ANKS1B: variants seen among roughly 807,000 people sequenced by gnomAD.
ANKS1B encodes ankyrin repeat and sterile alpha motif domain containing 1B.
A neutral mutation model predicts 148.3 loss-of-function variants in ANKS1B; 36 were observed. The observed-to-expected ratio is 0.24, with a 90% confidence interval of 0.19 to 0.32. ANKS1B has a LOEUF of 0.32. Ranked by LOEUF, ANKS1B falls within the 10% of genes least tolerant of loss-of-function variation. The pLI, the probability that ANKS1B is intolerant of heterozygous loss-of-function variation, is 1.00. For missense variants in ANKS1B, 1,157 were observed against 1,542.6 expected, an observed-to-expected ratio of 0.75 and a Z score of 4.19; for synonymous variants, 542 against 560.8, an observed-to-expected ratio of 0.97 and a Z score of 0.47.
At chr12:99,111,941 C>T (rs1029026353) in intron 15 of ANKS1B, among the ~76,000 whole-genome samples, 1 of 152,026 alleles carries the variant, frequency 6.6e-6, no homozygotes, top group Non-Finnish European at 1.5e-5. Flanking sequence ...ATTGATTTAC[C>T]AGAAATACTG....
At chr12:99,484,161 G>C (rs556760685) in intron 10 of ANKS1B, among the ~76,000 whole-genome samples, 1 of 151,506 alleles carries the variant, frequency 6.6e-6, no homozygotes, top group East Asian at 1.9e-4. Flanking sequence ...TAGCACTGCT[G>C]TTGCTGTATC....
chr12:99,407,796 A>T (rs1346218371), intron 11 of ANKS1B, among the ~76,000 whole-genome samples: 2 of 145,938 alleles, frequency 1.4e-5, no homozygotes, highest in Admixed American at 1.4e-4. Flanking sequence ...TTAACCAAAG[A>T]AGTAAAAGAG....
chr12:99,335,048 T>G (rs2088493838), intron 12 of ANKS1B, among the ~76,000 whole-genome samples: 1 of 152,104 alleles, frequency 6.6e-6, no homozygotes, highest in Admixed American at 6.6e-5. Flanking sequence ...CGCGATGGTC[T>G]TGCAATTTTG....
At chr12:99,961,616 GA>G (rs1300549133) in intron 1 of ANKS1B, among the ~76,000 whole-genome samples, 1 of 152,078 alleles carries the variant, frequency 6.6e-6, no homozygotes, top group South Asian at 2.1e-4. Flanking sequence ...CCCCTTTAAA[GA>G]AAAAGCAAGC....
intron 9 of ANKS1B, among the ~76,000 whole-genome samples, chr12:99,615,365 A>G (rs2097946621): frequency 6.6e-6 from 1 of 152,188 alleles, no homozygotes; most frequent in Non-Finnish European, 1.5e-5. Context: ...AAAAAAATGA[A>G]CATTTACTTT....
intron 17 of ANKS1B, among the ~76,000 whole-genome samples, chr12:98,868,650 G>A (rs962912884): frequency 7.2e-5 from 11 of 152,194 alleles, no homozygotes; most frequent in Non-Finnish European, 1.6e-4. Flanking sequence ...GAGAAAATCT[G>A]GGTCGAGTTG....
intron 2 of ANKS1B, among the ~76,000 whole-genome samples, chr12:99,817,832 T>G (rs1359840795): frequency 6.6e-6 from 1 of 151,804 alleles, no homozygotes; most frequent in East Asian, 1.9e-4. Flanking sequence ...CTATAATCGT[T>G]TGCCCATTTT....
At chr12:98,791,742 A>AAT (rs2098863158) in intron 22 of ANKS1B, among the ~76,000 whole-genome samples, 1 of 152,212 alleles carries the variant, frequency 6.6e-6, no homozygotes, top group Non-Finnish European at 1.5e-5. Context: ...CTTTTAAAAA[A>AAT]ATAGTTGTTT....
At chr12:99,575,925 G>C (rs1325100184) in intron 9 of ANKS1B, among the ~76,000 whole-genome samples, 1 of 151,942 alleles carries the variant, frequency 6.6e-6, no homozygotes, top group Non-Finnish European at 1.5e-5. Context: ...ATGCAAACAG[G>C]CTAAATGCCC....
chr12:99,302,099 A>G (rs1472885266), intron 12 of ANKS1B, among the ~76,000 whole-genome samples: 2 of 152,178 alleles, frequency 1.3e-5, no homozygotes, highest in Non-Finnish European at 2.9e-5. Flanking sequence ...AGAGGGTCAC[A>G]AAGTGTTCAC....
intron 1 of ANKS1B, among the ~76,000 whole-genome samples, chr12:99,850,647 C>A (rs746057240): frequency 1.3e-5 from 2 of 151,746 alleles, no homozygotes; most frequent in Non-Finnish European, 2.9e-5. Flanking sequence ...GCAGAAATAC[C>A]CCAATTATGT....
At chr12:98,759,857 G>T (rs1206297759) in intron 25 of ANKS1B, among the ~76,000 whole-genome samples, 2 of 152,148 alleles carry the variant, frequency 1.3e-5, no homozygotes, top group African/African-American at 4.8e-5. Flanking sequence ...GTGCACATCT[G>T]TAATCCCAGC....
At chr12:98,888,428 A>G (rs2099745104) in intron 17 of ANKS1B, among the ~76,000 whole-genome samples, 1 of 152,146 alleles carries the variant, frequency 6.6e-6, no homozygotes, top group Non-Finnish European at 1.5e-5. Context: ...TAGCCCTGGT[A>G]TTACCCAGTC....
At chr12:99,620,935 A>G (rs2098040088) in intron 9 of ANKS1B, among the ~76,000 whole-genome samples, 1 of 152,126 alleles carries the variant, frequency 6.6e-6, no homozygotes, top group Non-Finnish European at 1.5e-5. Context: ...TACAAAATGA[A>G]CATCATCAAG....
chr12:98,972,795 T>C (rs2099884496), intron 17 of ANKS1B, among the ~76,000 whole-genome samples: 1 of 152,168 alleles, frequency 6.6e-6, no homozygotes, highest in South Asian at 2.1e-4. Context: ...TGTTTCAATA[T>C]CATCTGCTCC....
At chr12:99,645,122 C>T (rs1156279645) in intron 9 of ANKS1B, among the ~76,000 whole-genome samples, 2 of 152,178 alleles carry the variant, frequency 1.3e-5, no homozygotes, top group Middle Eastern at 3.2e-3. Flanking sequence ...GGGAATTATT[C>T]TGTAAACCAC....
intron 17 of ANKS1B, among the ~76,000 whole-genome samples, chr12:98,905,053 G>C (rs780715649): frequency 1.1e-4 from 17 of 152,140 alleles, no homozygotes; most frequent in South Asian, 2.1e-4. Context: ...AAAATACATT[G>C]ACATGGTATC....
chr12:99,015,390 A>T (rs1489236706), intron 17 of ANKS1B, among the ~76,000 whole-genome samples: 1 of 152,184 alleles, frequency 6.6e-6, no homozygotes, highest in African/African-American at 2.4e-5. Flanking sequence ...GAGGGAGAAG[A>T]TCATGAAAAA....
chr12:99,717,376 C>T (rs2057464578), intron 8 of ANKS1B, among the ~76,000 whole-genome samples: 1 of 152,206 alleles, frequency 6.6e-6, no homozygotes, highest in Admixed American at 6.5e-5. Flanking sequence ...ACCCCAGCCA[C>T]ATCTCCAGCA....
Sources: allele counts gnomAD v4.1 joint callset (sites outside exome capture counted in the v4.1 genomes callset), GRCh38; gene constraint gnomAD v4.1.1; transcripts MANE v1.5; gene names NCBI Gene and HGNC (gene_info 2026-07-23, HGNC 2026-07-21).